The following DGKG variants were observed in gnomAD, a reference collection of about 807,000 sequenced individuals.
DGKG encodes DAG kinase gamma.
DGKG carries 78 observed loss-of-function variants against 105.3 expected under a neutral mutation model. The observed-to-expected ratio is 0.74, with a 90% CI of 0.62 to 0.89. The LOEUF (loss-of-function observed/expected upper bound fraction) is 0.89. DGKG is among the 40% of genes least tolerant of loss of function. The pLI is 0.00. For missense variants in DGKG, 958 were observed against 1,020.1 expected (o/e 0.94, Z 0.83); for synonymous variants, 346 against 367.1 (o/e 0.94, Z 0.66).
At position 186,298,065 on chromosome 3, in the gene DGKG, T is replaced by C. The variant is rs1451497730; in HGVS notation, c.309A>G (p.Ala103=). The C allele has an allele frequency of 6.2e-7, 1 of 1,606,578 alleles. No individual in the cohort carries two copies. Among genetic ancestry groups the C allele is most frequent in the Non-Finnish European group, 8.5e-7 (1 of 1,176,714 alleles). ...CATCTTGGGGAAAGCTCTGTGTACC[T>C]GCGCTGTTGGCCTCACTGTTGCTGG... ...EGASNSEANS[A]DTNIQNADNA... is the part of the protein sequence containing the mutation. The change falls in exon 4 of 25, where the codon GCA becomes GCG. Residue 103 remains alanine, a splice_region_variant and synonymous_variant. Coordinates refer to ENST00000265022, the MANE Select transcript of DGKG (RefSeq NM_001346.3).
chr3:186,353,098 A>G (rs974717263), intron 1 of DGKG, among the ~76,000 whole-genome samples: 1 of 152,124 alleles, frequency 6.6e-6, no homozygotes, highest in African/African-American at 2.4e-5. Flanking sequence ...TATTACCCTC[A>G]TTCCTTCACT....
Sources: gnomAD v4.1 joint callset for allele counts (sites outside exome capture counted in the v4.1 genomes callset) on GRCh38, gnomAD v4.1.1 for gene constraint, MANE v1.5 for transcripts, NCBI Gene and HGNC (gene_info 2026-07-23, HGNC 2026-07-21) for gene names.